Variants in MAP3K2 observed in about 807,000 individuals in gnomAD.
MAP3K2 encodes mitogen-activated protein kinase kinase kinase 2.
A neutral mutation model predicts 80.3 loss-of-function variants in MAP3K2; 24 were observed. The ratio of observed to expected loss-of-function variants is 0.30; its 90% CI spans 0.22 to 0.42. The LOEUF is 0.42. Among genes scored for constraint, MAP3K2 ranks in the 10% least tolerant of loss-of-function variants. The pLI is 1.00. For synonymous variants in MAP3K2, 244 were observed against 253.7 expected (o/e 0.96, Z 0.36); for missense variants, 608 against 750.1 (o/e 0.81, Z 2.21).
At chr2:127,366,866 G>GTTTTTTT (rs367670762) in intron 1 of MAP3K2, among the ~76,000 whole-genome samples, 17 of 85,120 alleles carry the variant, frequency 2.0e-4, no homozygotes, top group East Asian at 4.1e-4. Context: ...ACAGTCAAGG[G>GTTTTTTT]TTTTTTTTTT....
chr2:127,320,571 G>A (rs1271413771), intron 12 of MAP3K2, among the ~76,000 whole-genome samples: 2 of 151,932 alleles, frequency 1.3e-5, no homozygotes, highest in Admixed American at 1.3e-4. Context: ...TACTTGGAGA[G>A]GTAACAACTG....
intron 7 of MAP3K2, among the ~76,000 whole-genome samples, chr2:127,329,425 C>T (rs921709418): frequency 1.4e-5 from 2 of 147,858 alleles, no homozygotes; most frequent in East Asian, 4.0e-4. Flanking sequence ...GGCACAATCT[C>T]GGCTCACTGC....
chr2:127,375,263 C>A (rs894347725), intron 1 of MAP3K2, among the ~76,000 whole-genome samples: 2 of 152,040 alleles, frequency 1.3e-5, no homozygotes, highest in Non-Finnish European at 2.9e-5. Flanking sequence ...CCCATAGCCC[C>A]GAACAATGTG....
At chr2:127,337,981 T>C (rs1686405016) in intron 3 of MAP3K2, among the ~76,000 whole-genome samples, 1 of 152,258 alleles carries the variant, frequency 6.6e-6, no homozygotes, top group African/African-American at 2.4e-5. Flanking sequence ...TTGCTGAATC[T>C]GGGCTCAACA....
At chr2:127,313,652 T>C (rs553032800) in intron 15 of MAP3K2, among the ~76,000 whole-genome samples, 2 of 152,338 alleles carry the variant, frequency 1.3e-5, no homozygotes, top group South Asian at 4.1e-4. Flanking sequence ...CAGTAATACA[T>C]TGCTTAATGA....
At chr2:127,371,486 G>A (rs1015471607) in intron 1 of MAP3K2, among the ~76,000 whole-genome samples, 1 of 152,130 alleles carries the variant, frequency 6.6e-6, no homozygotes, top group South Asian at 2.1e-4. Flanking sequence ...TTTATCAATC[G>A]TTTAACCCAG....
chr2:127,349,743 A>G (rs1221502656), intron 1 of MAP3K2, among the ~76,000 whole-genome samples: 1 of 152,198 alleles, frequency 6.6e-6, no homozygotes, highest in Non-Finnish European at 1.5e-5. Context: ...TTTTGAGGAA[A>G]CAACTAGCTG....
rs1685659844 is a variant in MAP3K2, at chr2:127,304,558, T to C, written c.*3021A>G. On this transcript the variant is annotated 3_prime_UTR_variant, in exon 17 of 17. Coordinates refer to ENST00000682094, the MANE Select transcript of MAP3K2 (RefSeq NM_001371910.2). The stretch of plus-strand genomic sequence containing the variant: ...CATTTTAAAGGCACAAAGTCAGCAG[T>C]CTGACCATTTTCCAGCGTCAGCAAA... 6.6e-6 allele frequency: 1 copy of C among 152,526 alleles called. No homozygotes were observed. Among genetic ancestry groups the C allele is most frequent in the East Asian group, 1.9e-4 (1 of 5,202 alleles). The allele number at this position is 152,526 out of a possible 1,614,324, so 9.4% of individuals were successfully genotyped here. A position where few individuals can be genotyped will look rare whatever the true frequency, so the allele number is the denominator to read the frequency against.
rs1558979634 is a variant in MAP3K2 at position 127,333,277 on chromosome 2, A to AC, written c.264+2592_264+2593insG. On this transcript the variant is annotated intron_variant, in intron 5 of 16. Coordinates refer to ENST00000682094, the MANE Select transcript of MAP3K2 (RefSeq NM_001371910.2). Reference sequence around the variant, plus strand: ...GAACACCTCCACAACCAACCCTCATAACACACACACACACACACACACACA... The same window carrying AC: ...GAACACCTCCACAACCAACCCTCATACACACACACACACACACACACACACA... 1.4e-4 allele frequency among the ~76,000 whole-genome samples: 21 copies of AC among 144,888 alleles called. No homozygotes were observed. The South Asian group carries it at 3.8e-3, about 26-fold the overall frequency.
In MAP3K2 at chr2:127,387,545, G is replaced by T. The variant is rs71343622; in HGVS notation, c.-159C>A. On this transcript the variant is annotated 5_prime_UTR_variant, in exon 1 of 17. Transcript: ENST00000682094. ...CCGCCCCAGCGCGGCCTGTCACCGC[G>T]GCCCCAGGTCGGGGGCTGCCGCAGG... 168,179 of 984,872 alleles carry T rather than the reference G, an allele frequency of 0.17. 15,302 individuals are homozygous for T. Among genetic ancestry groups the T allele is most frequent in the South Asian group, 0.29 (6,168 of 21,284 alleles). 61.0% of individuals were successfully genotyped at this position (984,872 alleles called of 1,614,324 possible).
chr2:127,363,981 T>C (rs1003028309), intron 1 of MAP3K2, among the ~76,000 whole-genome samples: 1 of 152,232 alleles, frequency 6.6e-6, no homozygotes, highest in East Asian at 1.9e-4. Flanking sequence ...GGTATCTTTC[T>C]ATCTCCCACA....
chr2:127,311,976 A>T (rs1202014719), intron 15 of MAP3K2, among the ~76,000 whole-genome samples: 1 of 152,186 alleles, frequency 6.6e-6, no homozygotes, highest in Non-Finnish European at 1.5e-5. Flanking sequence ...CGTCCCAAAG[A>T]ATCATTTTAA....
intron 15 of MAP3K2, among the ~76,000 whole-genome samples, chr2:127,309,867 A>G (rs1030384102): frequency 6.6e-6 from 1 of 152,172 alleles, no homozygotes; most frequent in Non-Finnish European, 1.5e-5. Context: ...CACCTGGCTT[A>G]AGATAGTGTT....
intron 1 of MAP3K2, among the ~76,000 whole-genome samples, chr2:127,355,868 T>C (rs1282338978): frequency 2.6e-5 from 4 of 152,192 alleles, no homozygotes; most frequent in Admixed American, 6.5e-5. Context: ...GAGTTGCTTA[T>C]TGCTGCTTTA....
Position 127,307,564 on chromosome 2 carries a change from A to C in MAP3K2, c.*15T>G. 3 of 1,534,184 alleles carry C rather than the reference A, an allele frequency of 2.0e-6. No individual in the cohort carries two copies. The highest frequency in any genetic ancestry group is 2.7e-6 in the Non-Finnish European group (3 of 1,130,518). On this transcript the variant is annotated 3_prime_UTR_variant, in exon 17 of 17. Transcript: ENST00000682094. This position sits in a 1 kb window ranked among gnomAD's most constrained non-coding sequence, Gnocchi z 5.4. ...GATGGGAGCTAGGTAGAGGCACAGG[A>C]GAGGTTACTGGCTGCTAGTGATAAT...
At chr2:127,311,274 T>C (rs1410007326) in intron 15 of MAP3K2, among the ~76,000 whole-genome samples, 1 of 152,136 alleles carries the variant, frequency 6.6e-6, no homozygotes, top group East Asian at 1.9e-4. Context: ...TAAGAAGGAA[T>C]GTCAAAAAAG....
At chr2:127,329,539 T>C (rs550963894) in intron 7 of MAP3K2, among the ~76,000 whole-genome samples, 8 of 152,220 alleles carry the variant, frequency 5.3e-5, no homozygotes, top group African/African-American at 9.6e-5. Flanking sequence ...GTAATTTTAG[T>C]AGAGATGGGG....
intron 5 of MAP3K2, among the ~76,000 whole-genome samples, chr2:127,335,271 T>C (rs973052199): frequency 2.0e-5 from 3 of 152,334 alleles, no homozygotes; most frequent in African/African-American, 7.2e-5. Context: ...ATTAACTAAA[T>C]TGTCCTATAA....
chr2:127,305,452 G>A lies in MAP3K2; in HGVS notation c.*2127C>T, dbSNP rs1685678142. 6.6e-6 allele frequency: 1 copy of A among 152,114 alleles called. No individual in the cohort carries two copies. The highest frequency in any genetic ancestry group is 2.4e-5 in the African/African-American group (1 of 41,432). The allele number at this position is 152,114 out of a possible 1,614,324, so 9.4% of individuals were successfully genotyped here. On this transcript the variant is annotated 3_prime_UTR_variant, in exon 17 of 17. Transcript: ENST00000682094. The stretch of plus-strand genomic sequence containing the variant: ...GCGTTGACAATTAATTTTGTGCTTT[G>A]ACTTCTTAGACTAGCTAGTGGAATT...
Sources: allele counts gnomAD v4.1 joint callset (sites outside exome capture counted in the v4.1 genomes callset), GRCh38; gene constraint gnomAD v4.1.1; non-coding constraint Gnocchi (gnomAD v3.1); transcripts MANE v1.5; gene names NCBI Gene and HGNC (gene_info 2026-07-23, HGNC 2026-07-21).